The following PLXDC2 variants were observed in gnomAD, a reference collection of about 807,000 sequenced individuals.
PLXDC2 encodes the protein plexin domain containing 2, also known as plexin domain-containing protein 2.
A neutral mutation model predicts 68.9 loss-of-function variants in PLXDC2; 40 were observed. The ratio of observed to expected loss-of-function variants is 0.58; its 90% confidence interval spans 0.45 to 0.76. PLXDC2 has a LOEUF of 0.76. Among genes scored for constraint, PLXDC2 ranks in the 30% least tolerant of loss-of-function variants. PLXDC2 has a pLI of 0.00. For synonymous variants in PLXDC2, 243 were observed against 234.2 expected (o/e 1.04, Z -0.34); for missense variants, 644 against 661.9 (o/e 0.97, Z 0.30).
chr10:19,923,584 T>A (rs187601993), intron 1 of PLXDC2, among the ~76,000 whole-genome samples: 90 of 152,340 alleles, frequency 5.9e-4, no homozygotes, highest in African/African-American at 2.0e-3. Flanking sequence ...CAATTAAGGA[T>A]AATTTAAAAA....
chr10:19,949,774 T>C (rs982261180), intron 1 of PLXDC2, among the ~76,000 whole-genome samples: 23 of 152,222 alleles, frequency 1.5e-4, no homozygotes, highest in Admixed American at 2.6e-4. Flanking sequence ...ACATGATACT[T>C]CTTAAGTGAA....
chr10:20,206,201 T>TAG (rs1364418477), intron 9 of PLXDC2, among the ~76,000 whole-genome samples: 1 of 152,122 alleles, frequency 6.6e-6, no homozygotes, highest in Admixed American at 6.6e-5. Flanking sequence ...AAAAATAACT[T>TAG]ATCTAAGATC....
At chr10:19,817,510 A>T (rs1020096369) in intron 1 of PLXDC2, among the ~76,000 whole-genome samples, 2 of 152,006 alleles carry the variant, frequency 1.3e-5, no homozygotes, top group African/African-American at 4.8e-5. Flanking sequence ...ATCTCCTAGG[A>T]CCTGGCATCT....
At chr10:20,013,944 C>T (rs974305079) in intron 2 of PLXDC2, among the ~76,000 whole-genome samples, 1 of 152,046 alleles carries the variant, frequency 6.6e-6, no homozygotes, top group African/African-American at 2.4e-5. Context: ...TGTAAGGAAA[C>T]AACTATGAAT....
At chr10:20,189,333 G>A (rs1834728675) in intron 9 of PLXDC2, among the ~76,000 whole-genome samples, 1 of 150,236 alleles carries the variant, frequency 6.7e-6, no homozygotes, top group Admixed American at 6.7e-5. Flanking sequence ...TCATGAATTG[G>A]AAACTGGCAT....
At chr10:19,947,241 C>T (rs1005516105) in intron 1 of PLXDC2, among the ~76,000 whole-genome samples, 1 of 152,110 alleles carries the variant, frequency 6.6e-6, no homozygotes, top group African/African-American at 2.4e-5. Context: ...TTCAGTGAGA[C>T]CAGTTTTGAA....
chr10:20,260,121 T>C (rs1441779912), intron 13 of PLXDC2, among the ~76,000 whole-genome samples: 2 of 151,976 alleles, frequency 1.3e-5, no homozygotes, highest in Non-Finnish European at 2.9e-5. Flanking sequence ...TATACATATA[T>C]ATCCATAGTG....
At chr10:20,084,968 A>G (rs1474062881) in intron 4 of PLXDC2, among the ~76,000 whole-genome samples, 1 of 151,894 alleles carries the variant, frequency 6.6e-6, no homozygotes, top group Non-Finnish European at 1.5e-5. Flanking sequence ...TCTCAGTGGC[A>G]TCTTTCTTTC....
intron 13 of PLXDC2, among the ~76,000 whole-genome samples, chr10:20,258,682 T>C (rs138779655): frequency 0.01 from 1,572 of 152,218 alleles, 26 homozygotes; most frequent in African/African-American, 0.035. Context: ...ACATCCAAGA[T>C]GTGCAAATTT....
intron 2 of PLXDC2, among the ~76,000 whole-genome samples, chr10:20,023,785 C>A (rs1317418925): frequency 4.4e-5 from 6 of 137,882 alleles, no homozygotes; most frequent in South Asian, 2.2e-4. Context: ...ATTAAAAAAA[C>A]CCTGCAAATT....
chr10:19,878,428 G>A (rs1362288040), intron 1 of PLXDC2, among the ~76,000 whole-genome samples: 1 of 152,130 alleles, frequency 6.6e-6, no homozygotes, highest in South Asian at 2.1e-4. Context: ...TTGGAAAAGA[G>A]CATAAACATT....
intron 13 of PLXDC2, among the ~76,000 whole-genome samples, chr10:20,256,803 T>C (rs1002966310): frequency 6.6e-6 from 1 of 152,212 alleles, no homozygotes; most frequent in Non-Finnish European, 1.5e-5. Flanking sequence ...TGAGAGTAGA[T>C]ACTGAACATT....
At position 20,211,788 on chromosome 10, in the gene PLXDC2, A is replaced by T. The variant is rs905404710; in HGVS notation, c.1122+59A>T. On this transcript the variant is annotated intron_variant, in intron 10 of 13. Transcript: ENST00000377252. ...CCAAGCTGTCATATACATGTGTTTT[A>T]ACTGTTAATAATTTTTATTCAAAAT... 2.9e-5 allele frequency: 43 copies of T among 1,479,384 alleles called. No individual in the cohort carries two copies. The African/African-American group carries it at 5.1e-4, about 17-fold the overall frequency. 91.6% of individuals were successfully genotyped at this position (1,479,384 alleles called of 1,614,324 possible).
chr10:19,876,631 A>G (rs1837638342), intron 1 of PLXDC2, among the ~76,000 whole-genome samples: 3 of 146,112 alleles, frequency 2.1e-5, no homozygotes, highest in East Asian at 4.1e-4. Flanking sequence ...AAAAAGAGAG[A>G]GAGAGAGAGA....
At chr10:20,018,334 C>A (rs1301061755) in intron 2 of PLXDC2, among the ~76,000 whole-genome samples, 2 of 152,084 alleles carry the variant, frequency 1.3e-5, no homozygotes, top group Non-Finnish European at 2.9e-5. Flanking sequence ...ATATATGATT[C>A]TTGGATATAT....
chr10:19,904,981 C>G (rs1050002544), intron 1 of PLXDC2, among the ~76,000 whole-genome samples: 7 of 152,306 alleles, frequency 4.6e-5, no homozygotes, highest in Admixed American at 2.0e-4. Context: ...TGTGTGCTAG[C>G]CTTTTATGTC....
At chr10:20,108,703 T>C (rs1833521928) in intron 4 of PLXDC2, among the ~76,000 whole-genome samples, 1 of 152,198 alleles carries the variant, frequency 6.6e-6, no homozygotes, top group African/African-American at 2.4e-5. Flanking sequence ...AAATTGAGGT[T>C]ATGTCACTTG....
intron 9 of PLXDC2, among the ~76,000 whole-genome samples, chr10:20,190,938 T>A (rs969145776): frequency 2.6e-5 from 4 of 151,948 alleles, no homozygotes; most frequent in African/African-American, 9.7e-5. Flanking sequence ...TACTTAAGAT[T>A]TTGATTGTGT....
In PLXDC2 at chr10:20,274,929, T is replaced by C. The variant is rs1034978754; in HGVS notation, c.1474-4774T>C. On this transcript the variant is annotated intron_variant, in intron 13 of 13. Transcript: ENST00000377252. ...AATTAAATATATATGTTTAATGACT[T>C]GTTTGTTTGAAATCCAAATTTTATG... 2.6e-5 allele frequency among the ~76,000 whole-genome samples: 4 copies of C among 152,004 alleles called. No individual in the cohort carries two copies. The East Asian group carries it at 5.8e-4, about 22-fold the overall frequency.
Sources: gnomAD v4.1 joint callset for allele counts (sites outside exome capture counted in the v4.1 genomes callset) on GRCh38, gnomAD v4.1.1 for gene constraint, MANE v1.5 for transcripts, NCBI Gene and HGNC (gene_info 2026-07-23, HGNC 2026-07-21) for gene names.